The following PTPRK variants were observed in gnomAD, a reference collection of about 807,000 sequenced individuals.
PTPRK encodes the protein receptor-type tyrosine-protein phosphatase kappa.
PTPRK carries 75 observed loss-of-function variants against 178.0 expected under a neutral mutation model. That is an observed-to-expected ratio of 0.42 (90% CI 0.35 to 0.51). PTPRK has a LOEUF of 0.51. Among genes scored for constraint, PTPRK ranks in the 20% least tolerant of loss-of-function variants. PTPRK has a pLI of 0.02. For missense variants in PTPRK, 1,441 were observed against 1,797.8 expected (o/e 0.80, Z 3.59); for synonymous variants, 637 against 620.6 (o/e 1.03, Z -0.39).
At chr6:128,037,768 T>A (rs935300434) in intron 13 of PTPRK, among the ~76,000 whole-genome samples, 2 of 152,118 alleles carry the variant, frequency 1.3e-5, no homozygotes, top group African/African-American at 4.8e-5. Context: ...TGGTTAAATC[T>A]AAAACTGAAT....
intron 7 of PTPRK, among the ~76,000 whole-genome samples, chr6:128,150,023 A>T (rs1042771568): frequency 6.6e-6 from 1 of 152,174 alleles, no homozygotes; most frequent in Non-Finnish European, 1.5e-5. Flanking sequence ...CTACTGGATG[A>T]TGAAACAGAC....
At chr6:128,181,437 A>T (rs187949285) in intron 7 of PTPRK, among the ~76,000 whole-genome samples, 2 of 152,180 alleles carry the variant, frequency 1.3e-5, no homozygotes, top group Admixed American at 1.3e-4. Flanking sequence ...ATTAATGGCA[A>T]ATTCTACAAC....
chr6:128,516,967 C>T (rs903033788), intron 1 of PTPRK, among the ~76,000 whole-genome samples: 10 of 150,342 alleles, frequency 6.7e-5, no homozygotes, highest in Non-Finnish European at 1.3e-4. Context: ...TAAGGATAAT[C>T]GATCATTGTG....
intron 3 of PTPRK, among the ~76,000 whole-genome samples, chr6:128,285,931 T>C (rs960939600): frequency 1.3e-5 from 2 of 152,194 alleles, no homozygotes; most frequent in Non-Finnish European, 2.9e-5. Flanking sequence ...CTTAATCTTA[T>C]GACTCCTTCC....
chr6:128,440,163 G>A (rs1846098130), intron 1 of PTPRK, among the ~76,000 whole-genome samples: 1 of 152,212 alleles, frequency 6.6e-6, no homozygotes, highest in East Asian at 1.9e-4. Flanking sequence ...ATGGGCAAGG[G>A]GGTTCTGGAA....
intron 13 of PTPRK, chr6:128,063,537 C>G (rs1224530527): frequency 6.6e-6 from 1 of 152,158 alleles, no homozygotes; most frequent in Non-Finnish European, 1.5e-5. Flanking sequence ...TGGAAAAACA[C>G]AGGTGATATA....
intron 5 of PTPRK, among the ~76,000 whole-genome samples, chr6:128,228,654 C>A (rs1811800394): frequency 5.0e-5 from 3 of 59,474 alleles, no homozygotes; most frequent in Admixed American, 1.8e-4. Context: ...AGTGAGACTC[C>A]ATCTCAAAAA....
chr6:128,020,529 G>A (rs1445140405), intron 13 of PTPRK, among the ~76,000 whole-genome samples: 1 of 152,144 alleles, frequency 6.6e-6, no homozygotes, highest in African/African-American at 2.4e-5. Flanking sequence ...TCCAGGTACT[G>A]TATGTAATTA....
intron 1 of PTPRK, among the ~76,000 whole-genome samples, chr6:128,503,098 T>C (rs551594551): frequency 2.0e-5 from 3 of 152,268 alleles, no homozygotes; most frequent in East Asian, 1.9e-4. Context: ...GTATGGCATA[T>C]GCCTGTAATC....
Position 128,241,948 on chromosome 6 carries a change from A to ATTTTT in PTPRK, c.577+568_577+572dup, listed in dbSNP as rs1202951832. ...AGGTGTGCACCACCACGCCTGGCTA[A>ATTTTT]TTTTTTTTTTTTTTTTTTTGTAAGT... On this transcript the variant is annotated intron_variant, in intron 4 of 29. Coordinates refer to ENST00000368226, the MANE Select transcript of PTPRK (RefSeq NM_002844.4). Among the ~76,000 whole-genome samples, 447 of 126,200 alleles carry ATTTTT rather than the reference A, an allele frequency of 3.5e-3. 3 individuals carry two copies. The highest frequency in any genetic ancestry group is 0.012 in the African/African-American group (402 of 33,558). The allele number at this position is 126,200 out of a possible 152,430, so 82.8% of individuals were successfully genotyped here. A position where few individuals can be genotyped will look rare whatever the true frequency, so the allele number is the denominator to read the frequency against.
At chr6:128,045,952 T>C (rs987787563) in intron 13 of PTPRK, among the ~76,000 whole-genome samples, 4 of 152,166 alleles carry the variant, frequency 2.6e-5, no homozygotes, top group African/African-American at 7.2e-5. Flanking sequence ...AGAGAGACTT[T>C]AGCCTTGCAA....
At chr6:128,227,406 C>A (rs1258769582) in intron 5 of PTPRK, among the ~76,000 whole-genome samples, 2 of 152,066 alleles carry the variant, frequency 1.3e-5, no homozygotes, top group African/African-American at 4.8e-5. Flanking sequence ...TAAAAACAGA[C>A]TGACTAATAA....
At chr6:128,244,784 CTG>C (rs1254264287) in intron 3 of PTPRK, among the ~76,000 whole-genome samples, 1 of 152,166 alleles carries the variant, frequency 6.6e-6, no homozygotes, top group African/African-American at 2.4e-5. Context: ...GAGGTGAAAA[CTG>C]TGAAAGCTTG....
chr6:127,999,051 C>CCTG, intron 15 of PTPRK, 147 bp from the exon 16 acceptor site: 1 of 590,776 alleles, frequency 1.7e-6, no homozygotes, highest in Non-Finnish European at 2.6e-6. Flanking sequence ...CAGTATAGGC[C>CCTG]TAGACAGTAT....
intron 3 of PTPRK, among the ~76,000 whole-genome samples, chr6:128,287,398 A>G (rs775892104): frequency 7.9e-5 from 12 of 152,162 alleles, no homozygotes; most frequent in Non-Finnish European, 1.6e-4. Flanking sequence ...TGTTTCATGT[A>G]TTCCACATTT....
chr6:127,994,690 T>C (rs1040819085), intron 18 of PTPRK, among the ~76,000 whole-genome samples: 7 of 151,916 alleles, frequency 4.6e-5, no homozygotes, highest in African/African-American at 1.7e-4. Context: ...TAGATATGTA[T>C]GTAATCAAAA....
intron 3 of PTPRK, among the ~76,000 whole-genome samples, chr6:128,317,187 CA>C (rs1178691982): frequency 1.6e-4 from 25 of 151,986 alleles, no homozygotes; most frequent in Non-Finnish European, 2.2e-4. Context: ...TTACTAAAGA[CA>C]AAAAATGGGA....
chr6:128,491,962 T>C, intron 1 of PTPRK: 1 of 401,034 alleles, frequency 2.5e-6, no homozygotes. Flanking sequence ...TTTGTTTAAA[T>C]GAATTTAACA....
chr6:128,231,142 A>G (rs1812222404), intron 5 of PTPRK, among the ~76,000 whole-genome samples: 1 of 152,234 alleles, frequency 6.6e-6, no homozygotes, highest in Non-Finnish European at 1.5e-5. Flanking sequence ...AGCAGAAGAA[A>G]AACCTTATAA....
Sources: gnomAD v4.1 joint callset for allele counts (sites outside exome capture counted in the v4.1 genomes callset) on GRCh38, gnomAD v4.1.1 for gene constraint, MANE v1.5 for transcripts, NCBI Gene and HGNC (gene_info 2026-07-23, HGNC 2026-07-21) for gene names.